The following TGFBR1 variants were observed in gnomAD, a reference collection of about 807,000 sequenced individuals.
TGFBR1 encodes the protein TGF-beta receptor type-1.
Under a neutral mutation model 55.1 loss-of-function variants are expected in TGFBR1, and 20 were observed. The observed-to-expected ratio is 0.36, with a 90% CI of 0.26 to 0.53. TGFBR1 has a LOEUF of 0.53. TGFBR1 is among the 20% of genes least tolerant of loss of function. The pLI, the probability that TGFBR1 is intolerant of heterozygous loss-of-function variation, is 0.91. For synonymous variants in TGFBR1, 220 were observed against 214.8 expected (o/e 1.02, Z -0.21); for missense variants, 385 against 617.6 (o/e 0.62, Z 3.99).
chr9:99,140,982 G>A (rs2118758525), intron 4 of TGFBR1, among the ~76,000 whole-genome samples: 1 of 152,276 alleles, frequency 6.6e-6, no homozygotes, highest in Non-Finnish European at 1.5e-5. Context: ...AGGGGTTAAT[G>A]TACTTTCTCT....
At position 99,149,881 on chromosome 9, in the gene TGFBR1, A is replaced by G. The variant is rs1827931766; in HGVS notation, c.*576A>G. 1 of 210,704 alleles carries G rather than the reference A, an allele frequency of 4.7e-6. No individual in the cohort carries two copies. The highest frequency in any genetic ancestry group is 2.3e-5 in the African/African-American group (1 of 44,000). 13.1% of individuals were successfully genotyped at this position (210,704 alleles called of 1,614,324 possible). A position where few individuals can be genotyped will look rare whatever the true frequency, so the allele number is the denominator to read the frequency against. ...CATAATTCATGCAATTGTATTTTGT[A>G]TACTATTATTGTTCTTTCACTTATT... On this transcript the variant is annotated 3_prime_UTR_variant, in exon 9 of 9. Transcript: ENST00000374994.
chr9:99,134,802 TTATATATATATA>T (rs10625219), intron 3 of TGFBR1, among the ~76,000 whole-genome samples: 3,737 of 41,118 alleles, frequency 0.091, 200 homozygotes, highest in Admixed American at 0.14. Flanking sequence ...TCTGTTTCCA[TTATATATATATA>T]TATATATATA....
chr9:99,147,835 G>A (rs1292301882), intron 8 of TGFBR1, 51 bp downstream of exon 8: 5 of 1,606,536 alleles, frequency 3.1e-6, no homozygotes, highest in Non-Finnish European at 4.3e-6. Context: ...CTTCTGCTTA[G>A]TAAGCAAAAG....
intron 2 of TGFBR1, 57 bp from the exon 3 acceptor site, chr9:99,132,452 C>T: frequency 1.2e-6 from 2 of 1,606,012 alleles, no homozygotes; most frequent in Non-Finnish European, 1.7e-6. Flanking sequence ...ATGGGGGTTG[C>T]CACCTACAGT....
Position 99,147,792 on chromosome 9 carries a change from T to C in TGFBR1, c.1386+8T>C. 1 of 1,613,702 alleles carries C rather than the reference T, an allele frequency of 6.2e-7. No homozygotes were observed. The highest frequency in any genetic ancestry group is 8.5e-7 in the Non-Finnish European group (1 of 1,179,726). ...AGATGGCAGAGCTGTGAAGTGAGTA[T>C]TTCTTTTTGATATTAGGCAATTTTC... On this transcript the variant is annotated splice_region_variant and intron_variant, in intron 8 of 8. Coordinates refer to ENST00000374994, the MANE Select transcript of TGFBR1 (RefSeq NM_004612.4).
intron 7 of TGFBR1, among the ~76,000 whole-genome samples, chr9:99,146,870 T>A (rs1827813039): frequency 2.6e-5 from 4 of 152,184 alleles, no homozygotes; most frequent in Admixed American, 6.5e-5. Context: ...CCTTGTTATA[T>A]TGGAATATAG....
chr9:99,124,895 G>A (rs1826995086), intron 1 of TGFBR1, among the ~76,000 whole-genome samples: 1 of 151,990 alleles, frequency 6.6e-6, no homozygotes, highest in Admixed American at 6.6e-5. Context: ...GAAGTACAGA[G>A]TGTATTTTTC....
At chr9:99,106,222 A>G (rs993723247) in intron 1 of TGFBR1, among the ~76,000 whole-genome samples, 2 of 152,192 alleles carry the variant, frequency 1.3e-5, no homozygotes, top group Non-Finnish European at 2.9e-5. Context: ...AGACATCTGT[A>G]TAGCTGGTTT....
intron 1 of TGFBR1, among the ~76,000 whole-genome samples, chr9:99,106,627 G>T (rs1179546306): frequency 6.6e-6 from 1 of 152,162 alleles, no homozygotes; most frequent in African/African-American, 2.4e-5. Context: ...GTACAGACAC[G>T]TTAAGTACCC....
chr9:99,110,059 T>A (rs1826518780), intron 1 of TGFBR1, among the ~76,000 whole-genome samples: 2 of 152,198 alleles, frequency 1.3e-5, no homozygotes, highest in South Asian at 4.1e-4. Context: ...GTAAGTTTCT[T>A]ATGGCTACCC....
At chr9:99,140,389 G>A (rs1179566001) in intron 4 of TGFBR1, among the ~76,000 whole-genome samples, 6 of 152,098 alleles carry the variant, frequency 3.9e-5, no homozygotes, top group Non-Finnish European at 8.8e-5. Flanking sequence ...GGGAGGTGGA[G>A]GTTGCAGTCA....
At chr9:99,140,573 A>G (rs902685094) in intron 4 of TGFBR1, among the ~76,000 whole-genome samples, 22 of 152,154 alleles carry the variant, frequency 1.4e-4, no homozygotes, top group African/African-American at 5.3e-4. Context: ...CCCAACTCTT[A>G]AAACAACCTT....
intron 1 of TGFBR1, among the ~76,000 whole-genome samples, chr9:99,111,243 GA>G (rs919625095): frequency 1.5e-5 from 2 of 135,138 alleles, no homozygotes; most frequent in East Asian, 2.1e-4. Flanking sequence ...TTAGAGAAAG[GA>G]AAAAAACCAT....
chr9:99,124,585 A>G (rs1826983114), intron 1 of TGFBR1, among the ~76,000 whole-genome samples: 1 of 152,160 alleles, frequency 6.6e-6, no homozygotes, highest in South Asian at 2.1e-4. Flanking sequence ...GAATTTTTTA[A>G]AAAAATGGCA....
At chr9:99,124,261 C>T (rs542392371) in intron 1 of TGFBR1, among the ~76,000 whole-genome samples, 54 of 152,254 alleles carry the variant, frequency 3.5e-4, no homozygotes, top group Admixed American at 9.2e-4. Context: ...TAATGCCTTT[C>T]CCTTCCACCC....
intron 1 of TGFBR1, among the ~76,000 whole-genome samples, chr9:99,120,430 A>G (rs1401443586): frequency 6.6e-6 from 1 of 152,220 alleles, no homozygotes; most frequent in East Asian, 1.9e-4. Flanking sequence ...AAGTGTGCAC[A>G]TCTGCTCTGT....
At chr9:99,112,579 G>A (rs1457458021) in intron 1 of TGFBR1, among the ~76,000 whole-genome samples, 1 of 152,144 alleles carries the variant, frequency 6.6e-6, no homozygotes, top group Non-Finnish European at 1.5e-5. Context: ...TCAAGTGTAT[G>A]GAAAGTGCCT....
chr9:99,144,991 T>A, intron 6 of TGFBR1, 103 bp downstream of exon 6: 1 of 1,320,578 alleles, frequency 7.6e-7, no homozygotes, highest in Non-Finnish European at 1.1e-6. Flanking sequence ...AAACTTGCAC[T>A]TTATTAGATT....
At chr9:99,113,201 G>A (rs935643264) in intron 1 of TGFBR1, among the ~76,000 whole-genome samples, 4 of 152,170 alleles carry the variant, frequency 2.6e-5, no homozygotes, top group African/African-American at 4.8e-5. Flanking sequence ...GCAGTAATGC[G>A]TTTGATCTTT....
Sources: gnomAD v4.1 joint callset for allele counts (sites outside exome capture counted in the v4.1 genomes callset) on GRCh38, gnomAD v4.1.1 for gene constraint, MANE v1.5 for transcripts, NCBI Gene and HGNC (gene_info 2026-07-23, HGNC 2026-07-21) for gene names.